ZNF599: variants seen among roughly 807,000 people sequenced by gnomAD.
ZNF599 encodes zinc finger protein 599.
Under a neutral mutation model 11.7 loss-of-function variants are expected in ZNF599, and 10 were observed. The ratio of observed to expected loss-of-function variants is 0.86; its 90% CI spans 0.53 to 1.45. The LOEUF (loss-of-function observed/expected upper bound fraction) is 1.45, where lower values mean the gene tolerates loss of function less well. Ranked by LOEUF, ZNF599 falls within the 40% of genes most tolerant of loss-of-function variation. The pLI, the probability that ZNF599 is intolerant of heterozygous loss-of-function variation, is 0.00. For missense variants in ZNF599, 688 were observed against 713.6 expected, an observed-to-expected ratio of 0.96 and a Z score of 0.41; for synonymous variants, 232 against 253.2, an observed-to-expected ratio of 0.92 and a Z score of 0.79.
chr19:34,773,229 C>G (rs1365420842), upstream of ZNF599: 1 of 235,852 alleles, frequency 4.2e-6, no homozygotes, highest in East Asian at 8.1e-5. Context: ...GTCCCGCCCA[C>G]GCCGCTACGG....
the ZNF599 span, among the ~76,000 whole-genome samples, chr19:34,801,794 C>G: frequency 6.6e-6 from 1 of 152,206 alleles, no homozygotes; most frequent in Non-Finnish European, 1.5e-5. Flanking sequence ...AGGTAAAGGA[C>G]TTATTTGGCA....
chr19:34,777,353 T>A (rs1198205717), upstream of ZNF599, among the ~76,000 whole-genome samples: 89 of 92,424 alleles, frequency 9.6e-4, no homozygotes, highest in African/African-American at 3.7e-3. Context: ...TATTATATAT[T>A]ATATATTAAT....
At chr19:34,775,383 A>C (rs1471752353), upstream of ZNF599, among the ~76,000 whole-genome samples, 1 of 152,240 alleles carries the variant, frequency 6.6e-6, no homozygotes, top group Non-Finnish European at 1.5e-5. Context: ...TAAGTGAAAA[A>C]ATCAGCTACA....
chr19:34,798,791 C>T, the ZNF599 span, among the ~76,000 whole-genome samples: 3 of 152,190 alleles, frequency 2.0e-5, no homozygotes, highest in East Asian at 1.9e-4. Flanking sequence ...GAATTTATTA[C>T]ATTAATTTGC....
the ZNF599 span, among the ~76,000 whole-genome samples, chr19:34,792,370 G>C: frequency 2.6e-5 from 4 of 152,182 alleles, no homozygotes; most frequent in African/African-American, 7.2e-5. Context: ...AGCTTTAAAA[G>C]TTCTCCAGGT....
chr19:34,799,384 GA>G, the ZNF599 span, among the ~76,000 whole-genome samples: 12 of 152,140 alleles, frequency 7.9e-5, no homozygotes, highest in African/African-American at 2.9e-4. Context: ...TTGGTGTCTT[GA>G]TAGCCCATTT....
chr19:34,780,540 AAAGG>A, the ZNF599 span, among the ~76,000 whole-genome samples: 2 of 150,950 alleles, frequency 1.3e-5, no homozygotes, highest in East Asian at 2.0e-4. Flanking sequence ...AGGAAGGAAA[AAAGG>A]AAGGAAGGAG....
intron 2 of ZNF599, among the ~76,000 whole-genome samples, chr19:34,768,625 A>G (rs1400402833): frequency 2.0e-5 from 3 of 152,248 alleles, no homozygotes; most frequent in South Asian, 2.1e-4. Context: ...CACTTTACAC[A>G]TATTAGTTAC....
the ZNF599 span, among the ~76,000 whole-genome samples, chr19:34,797,683 G>C: frequency 6.6e-6 from 1 of 152,202 alleles, no homozygotes; most frequent in East Asian, 1.9e-4. Flanking sequence ...ACAATATAGT[G>C]TGTGCATCAG....
chr19:34,791,243 G>A, the ZNF599 span, among the ~76,000 whole-genome samples: 1 of 152,336 alleles, frequency 6.6e-6, no homozygotes, highest in South Asian at 2.1e-4. Flanking sequence ...TTTGTCAACA[G>A]AGTGGCAACA....
At chr19:34,775,266 T>TA (rs934194955), upstream of ZNF599, among the ~76,000 whole-genome samples, 14 of 152,234 alleles carry the variant, frequency 9.2e-5, no homozygotes, top group African/African-American at 3.4e-4. Flanking sequence ...TACCAACTTA[T>TA]GAATGGATAA....
chr19:34,795,363 C>A, the ZNF599 span, among the ~76,000 whole-genome samples: 1 of 152,214 alleles, frequency 6.6e-6, no homozygotes, highest in East Asian at 1.9e-4. Flanking sequence ...CTGCCTCGAT[C>A]TCTCAGGCTC....
intron 1 of ZNF599, among the ~76,000 whole-genome samples, chr19:34,771,715 T>C (rs111641958): frequency 2.6e-4 from 40 of 152,240 alleles, no homozygotes; most frequent in African/African-American, 9.6e-4. Flanking sequence ...AGATGAAATC[T>C]AAGTAGGATG....
the ZNF599 span, among the ~76,000 whole-genome samples, chr19:34,790,938 T>G: frequency 6.6e-6 from 1 of 152,216 alleles, no homozygotes; most frequent in Non-Finnish European, 1.5e-5. Context: ...GTGTTATTAT[T>G]ATTCATTGCA....
intron 1 of ZNF599, 180 bp downstream of exon 1, chr19:34,772,644 T>G: frequency 7.1e-7 from 1 of 1,401,542 alleles, no homozygotes; most frequent in Admixed American, 3.1e-5. Context: ...TGTCCTGGAT[T>G]CAGGACCCTG....
At chr19:34,764,649 G>A (rs1035982639) in intron 3 of ZNF599, 2 of 152,176 alleles carry the variant, frequency 1.3e-5, no homozygotes, top group African/African-American at 4.8e-5. Flanking sequence ...AAAGAAGTCA[G>A]GACAGAGTAT....
the ZNF599 span, among the ~76,000 whole-genome samples, chr19:34,805,761 AC>A: frequency 6.6e-6 from 1 of 151,934 alleles, no homozygotes; most frequent in Non-Finnish European, 1.5e-5. Flanking sequence ...TCCAGAAACC[AC>A]CCAACTTCTC....
At chr19:34,765,589 G>A in intron 3 of ZNF599, 2 of 703,048 alleles carry the variant, frequency 2.8e-6, no homozygotes, top group South Asian at 3.0e-5. Context: ...GATTCTGCTG[G>A]AGAAATTAGC....
At chr19:34,789,249 T>C in the ZNF599 span, among the ~76,000 whole-genome samples, 294 of 152,294 alleles carry the variant, frequency 1.9e-3, no homozygotes, top group African/African-American at 6.5e-3. Context: ...CTTTACCCAA[T>C]CATATCTCGA....
Sources: gnomAD v4.1 joint callset for allele counts (sites outside exome capture counted in the v4.1 genomes callset) on GRCh38, gnomAD v4.1.1 for gene constraint, MANE v1.5 for transcripts, NCBI Gene and HGNC (gene_info 2026-07-23, HGNC 2026-07-21) for gene names.